Variants in CADM1 observed in about 807,000 individuals in gnomAD.
CADM1 encodes cell adhesion molecule 1, also known as TSLC-1.
A neutral mutation model predicts 53.1 loss-of-function variants in CADM1; 15 were observed. That is an observed-to-expected ratio of 0.28 (90% CI 0.19 to 0.44). The LOEUF (loss-of-function observed/expected upper bound fraction) is 0.44. CADM1 is among the 20% of genes least tolerant of loss of function. CADM1 has a pLI of 1.00. For missense variants in CADM1, 434 were observed against 611.3 expected, an observed-to-expected ratio of 0.71 and a Z score of 3.06; for synonymous variants, 281 against 243.0, an observed-to-expected ratio of 1.16 and a Z score of -1.45.
At chr11:115,321,115 G>T (rs1944814584) in intron 1 of CADM1, among the ~76,000 whole-genome samples, 1 of 152,108 alleles carries the variant, frequency 6.6e-6, no homozygotes, top group African/African-American at 2.4e-5. Context: ...AAAATATTGT[G>T]CAATTGTAAG....
chr11:115,399,582 A>G (rs375801586), intron 1 of CADM1: 1 of 152,202 alleles, frequency 6.6e-6, no homozygotes, highest in Non-Finnish European at 1.5e-5. Flanking sequence ...AACTTTACCT[A>G]CTAATATATT....
intron 1 of CADM1, among the ~76,000 whole-genome samples, chr11:115,327,948 T>G (rs1945003902): frequency 1.3e-5 from 2 of 152,178 alleles, no homozygotes; most frequent in Admixed American, 1.3e-4. Flanking sequence ...TATTAAGAAC[T>G]GTCTTACACT....
intron 1 of CADM1, among the ~76,000 whole-genome samples, chr11:115,263,924 A>G (rs1943051126): frequency 6.6e-6 from 1 of 152,214 alleles, no homozygotes; most frequent in African/African-American, 2.4e-5. Context: ...AATCTGCTAT[A>G]GTACTATGTC....
Position 115,502,328 on chromosome 11 carries a change from T to C in CADM1, c.124+1943A>G, listed in dbSNP as rs919517991. On this transcript the variant is annotated intron_variant, in intron 1 of 11. Coordinates refer to ENST00000331581, the MANE Select transcript of CADM1 (RefSeq NM_001301043.2). Reference sequence around the variant, plus strand: ...CCACAGCTTTCCACCGCCCCCCGGCTTTTTTTTTTTTTTTTTTTTTTTTTT... The same window carrying C: ...CCACAGCTTTCCACCGCCCCCCGGCCTTTTTTTTTTTTTTTTTTTTTTTTT... Among the ~76,000 whole-genome samples, 15 of 13,136 alleles carry C rather than the reference T, an allele frequency of 1.1e-3. No individual in the cohort carries two copies. The Admixed American group carries it at 0.015, about 13-fold the overall frequency. 8.6% of individuals were successfully genotyped at this position (13,136 alleles called of 152,430 possible).
intron 1 of CADM1, among the ~76,000 whole-genome samples, chr11:115,488,823 T>G (rs1466324802): frequency 6.6e-6 from 1 of 152,176 alleles, no homozygotes; most frequent in Non-Finnish European, 1.5e-5. Context: ...CCCATGTCAT[T>G]TTTTTAAACA....
intron 1 of CADM1, among the ~76,000 whole-genome samples, chr11:115,436,661 A>G (rs1468072665): frequency 6.6e-6 from 1 of 152,246 alleles, no homozygotes; most frequent in Non-Finnish European, 1.5e-5. Flanking sequence ...AGGAGAATCA[A>G]CTAAGAGAAT....
chr11:115,306,072 C>CCACACACACACACACACACACACACA (rs6144515), intron 1 of CADM1, among the ~76,000 whole-genome samples: 3,167 of 130,384 alleles, frequency 0.024, 97 homozygotes, highest in Admixed American at 0.038. Context: ...AGGATATATA[C>CCACACACACACACACACACACACACA]CACACACACA....
chr11:115,470,096 T>A (rs1473604955), intron 1 of CADM1, among the ~76,000 whole-genome samples: 44 of 152,316 alleles, frequency 2.9e-4, no homozygotes, highest in Non-Finnish European at 8.8e-5. Flanking sequence ...AAAATAAAAA[T>A]AATAGTAATG....
At chr11:115,331,562 T>C (rs1177419761) in intron 1 of CADM1, among the ~76,000 whole-genome samples, 2 of 152,150 alleles carry the variant, frequency 1.3e-5, no homozygotes, top group Admixed American at 1.3e-4. Context: ...TCCTACTATA[T>C]ATAATAAAGA....
intron 1 of CADM1, among the ~76,000 whole-genome samples, chr11:115,262,064 C>A (rs575256403): frequency 6.6e-6 from 1 of 152,216 alleles, no homozygotes; most frequent in East Asian, 1.9e-4. Context: ...CAGGCGTGAG[C>A]CACCGAAGAT....
chr11:115,343,315 C>G (rs574315528), intron 1 of CADM1, among the ~76,000 whole-genome samples: 17 of 152,140 alleles, frequency 1.1e-4, no homozygotes, highest in Non-Finnish European at 1.8e-4. Context: ...AAAGACTGTT[C>G]TAAGTACTTT....
intron 10 of CADM1, among the ~76,000 whole-genome samples, chr11:115,180,904 T>C (rs1939279466): frequency 6.6e-6 from 1 of 152,104 alleles, no homozygotes; most frequent in Non-Finnish European, 1.5e-5. Context: ...CTATTAAAAT[T>C]TATGTGTCTT....
At chr11:115,388,217 T>C (rs148355060) in intron 1 of CADM1, among the ~76,000 whole-genome samples, 8 of 152,014 alleles carry the variant, frequency 5.3e-5, no homozygotes, top group African/African-American at 1.9e-4. Flanking sequence ...GACAGATAGA[T>C]GGATAGACAG....
chr11:115,181,546 A>G (rs1939312018), intron 10 of CADM1, among the ~76,000 whole-genome samples: 1 of 152,212 alleles, frequency 6.6e-6, no homozygotes, highest in African/African-American at 2.4e-5. Flanking sequence ...ATTACTGCAG[A>G]TGGACACAGA....
chr11:115,463,168 G>C (rs1006014039), intron 1 of CADM1, among the ~76,000 whole-genome samples: 1 of 152,096 alleles, frequency 6.6e-6, no homozygotes, highest in African/African-American at 2.4e-5. Flanking sequence ...CCAACCTCCT[G>C]AAGGCTATTG....
intron 1 of CADM1, among the ~76,000 whole-genome samples, chr11:115,395,589 A>G (rs1946974922): frequency 6.6e-6 from 1 of 152,224 alleles, no homozygotes; most frequent in South Asian, 2.1e-4. Context: ...ACACAAAAAA[A>G]GGTATGCAGA....
At chr11:115,309,271 C>T (rs189447191) in intron 1 of CADM1, among the ~76,000 whole-genome samples, 265 of 152,080 alleles carry the variant, frequency 1.7e-3, no homozygotes, top group Non-Finnish European at 2.7e-3. Flanking sequence ...AAGTTGTCAA[C>T]GCTCCAAAAA....
intron 1 of CADM1, among the ~76,000 whole-genome samples, chr11:115,388,294 T>C (rs1946750559): frequency 1.3e-5 from 2 of 151,950 alleles, no homozygotes; most frequent in African/African-American, 4.8e-5. Flanking sequence ...GAAAAATTCT[T>C]TATAGGAGAA....
intron 1 of CADM1, among the ~76,000 whole-genome samples, chr11:115,490,512 C>T (rs974759476): frequency 6.6e-6 from 1 of 151,454 alleles, no homozygotes; most frequent in Non-Finnish European, 1.5e-5. Flanking sequence ...AATTCGCCTG[C>T]CTCAGCCACC....
Sources: allele counts gnomAD v4.1 joint callset (sites outside exome capture counted in the v4.1 genomes callset), GRCh38; gene constraint gnomAD v4.1.1; transcripts MANE v1.5; gene names NCBI Gene and HGNC (gene_info 2026-07-23, HGNC 2026-07-21).